Variants in IARS1 observed in about 807,000 individuals in gnomAD.
The protein encoded by IARS1 is isoleucyl-tRNA synthetase 1.
Under a neutral mutation model 168.2 loss-of-function variants are expected in IARS1, and 124 were observed. The ratio of observed to expected loss-of-function variants is 0.74; its 90% CI spans 0.64 to 0.86. The LOEUF is 0.86. Among genes scored for constraint, IARS1 ranks in the 40% least tolerant of loss-of-function variants. The probability of loss-of-function intolerance (pLI) is 0.00; values close to 1 mark genes in which losing one functional copy is unlikely to be tolerated. For synonymous variants in IARS1, 532 were observed against 529.4 expected (o/e 1.00, Z -0.07); for missense variants, 1,452 against 1,515.8 (o/e 0.96, Z 0.70).
intron 10 of IARS1, 133 bp from the exon 11 acceptor site, chr9:92,271,788 G>C (rs977449442): frequency 4.1e-6 from 4 of 976,742 alleles, no homozygotes; most frequent in Non-Finnish European, 6.1e-6. Context: ...GTAAACTGAA[G>C]GTAACTCAAG....
At chr9:92,284,852 A>G (rs140065108) in intron 6 of IARS1, among the ~76,000 whole-genome samples, 2 of 152,372 alleles carry the variant, frequency 1.3e-5, no homozygotes, top group East Asian at 3.9e-4. Context: ...TGTTTACCAT[A>G]TCATTCTCTA....
chr9:92,287,834 T>C lies in IARS1; in HGVS notation c.353A>G (p.Asn118Ser). 3.1e-6 allele frequency: 5 copies of C among 1,613,966 alleles called. No homozygotes were observed. The highest frequency in any genetic ancestry group is 4.2e-6 in the Non-Finnish European group (5 of 1,179,926). ...TCTCATCACAATTGCTCGGCACTGA[T>C]TGTTATACTCTGTAATCCCCATTTT... ...VAKMGITEYNNQCRAIVMRYS... is the reference protein window; with the variant it reads ...VAKMGITEYNSQCRAIVMRYS... Residue 118 changes from asparagine (N) to serine (S), a missense_variant, in exon 4 of 34, where the codon AAT becomes AGT. Asn to Ser is a conservative substitution (Grantham distance 46). Coordinates refer to ENST00000443024, the MANE Select transcript of IARS1 (RefSeq NM_002161.6).
chr9:92,245,707 C>T (rs1289122653), intron 26 of IARS1, among the ~76,000 whole-genome samples: 2 of 151,974 alleles, frequency 1.3e-5, no homozygotes, highest in Non-Finnish European at 2.9e-5. Context: ...TGTTTTCCAT[C>T]AGTGCAGAAC....
At chr9:92,239,070 T>C (rs1054615931) in intron 30 of IARS1, among the ~76,000 whole-genome samples, 3 of 152,194 alleles carry the variant, frequency 2.0e-5, no homozygotes, top group African/African-American at 7.2e-5. Context: ...CGAACAATGA[T>C]ATAGTGCTTG....
chr9:92,248,918 G>A (rs992432871), intron 25 of IARS1, among the ~76,000 whole-genome samples: 3 of 151,980 alleles, frequency 2.0e-5, no homozygotes, highest in Non-Finnish European at 4.4e-5. Context: ...AAAACATCAT[G>A]GAATAAAGAT....
chr9:92,256,474 GCCACCACA>G (rs1310813564), intron 20 of IARS1, 198 bp downstream of exon 20: 2 of 370,738 alleles, frequency 5.4e-6, no homozygotes, highest in Non-Finnish European at 9.3e-6. Context: ...ACAGGCGTGA[GCCACCACA>G]CCAGGCCAGA....
chr9:92,229,388 C>CACACACAT (rs547012999), intron 30 of IARS1, among the ~76,000 whole-genome samples: 2 of 150,572 alleles, frequency 1.3e-5, no homozygotes, highest in African/African-American at 4.9e-5. Context: ...CACACACACA[C>CACACACAT]ATCTCCATCC....
intron 22 of IARS1, 52 bp from the exon 23 acceptor site, chr9:92,250,886 G>C: frequency 6.5e-7 from 1 of 1,548,318 alleles, no homozygotes; most frequent in Non-Finnish European, 8.7e-7. Context: ...ATCAACAACT[G>C]ATCTCATTTA....
chr9:92,248,580 G>A (rs766956217), intron 25 of IARS1, among the ~76,000 whole-genome samples: 62 of 146,268 alleles, frequency 4.2e-4, no homozygotes, highest in Non-Finnish European at 7.4e-4. Context: ...CCGAGCCCAG[G>A]AGATGGAGGC....
chr9:92,248,676 A>T (rs1445972129), intron 25 of IARS1, among the ~76,000 whole-genome samples: 1 of 151,174 alleles, frequency 6.6e-6, no homozygotes, highest in African/African-American at 2.4e-5. Context: ...AAAAAAAAAA[A>T]AATTTCTATT....
At chr9:92,256,405 T>G (rs1429664415) in intron 20 of IARS1, 1 of 183,056 alleles carries the variant, frequency 5.5e-6, no homozygotes, top group African/African-American at 2.3e-5. Flanking sequence ...GCCAGGCTGG[T>G]CTCGAACTCC....
At position 92,269,910 on chromosome 9, in the gene IARS1, G is replaced by A. The variant is rs1337698070; in HGVS notation, c.1279C>T (p.Leu427=). Residue 427 remains leucine (L), a synonymous_variant, in exon 13 of 34, where the codon CTA becomes TTA. Coordinates refer to ENST00000443024, the MANE Select transcript of IARS1 (RefSeq NM_002161.6). ...CAGTAGCACAGGTCATTGTTCCTTA[G>A]GAGCTGGTCCACCATGTTCTCCACT... is the stretch of plus-strand genomic sequence containing the variant. ...VRVENMVDQL[L]RNNDLCYWVP... 6.2e-7 allele frequency: 1 copy of A among 1,613,346 alleles called. No homozygotes were observed.
At chr9:92,276,984 T>G (rs562266715) in intron 9 of IARS1, among the ~76,000 whole-genome samples, 5 of 152,318 alleles carry the variant, frequency 3.3e-5, no homozygotes, top group South Asian at 2.1e-4. Flanking sequence ...CTCATTAACC[T>G]CCTTGAAATA....
At chr9:92,270,354 C>T (rs896675207) in intron 12 of IARS1, among the ~76,000 whole-genome samples, 38 of 152,240 alleles carry the variant, frequency 2.5e-4, no homozygotes, top group African/African-American at 8.9e-4. Flanking sequence ...AGGTTAAAAT[C>T]ATATTAAATT....
At chr9:92,241,018 C>T (rs1828316356) in intron 29 of IARS1, 57 bp from the exon 30 acceptor site, 1 of 951,988 alleles carries the variant, frequency 1.1e-6, no homozygotes. Flanking sequence ...CAATGTGCCA[C>T]ACCATCGTGT....
At position 92,228,961 on chromosome 9, in the gene IARS1, T is replaced by C. The variant is rs760903625; in HGVS notation, c.3409+40A>G. 9.9e-6 allele frequency: 16 copies of C among 1,610,762 alleles called. No homozygotes were observed. In the South Asian group the frequency reaches 1.2e-4, roughly 12 times the overall value. On this transcript the variant is annotated intron_variant, in intron 31 of 33. Coordinates refer to ENST00000443024, the MANE Select transcript of IARS1 (RefSeq NM_002161.6). ...AAATTAAGACCTTCACCAATCCATC[T>C]TGAGTCAAAGGACGTAGGCTCCTCT...
At chr9:92,292,210 G>T (rs1203333733) in intron 1 of IARS1, among the ~76,000 whole-genome samples, 9 of 143,764 alleles carry the variant, frequency 6.3e-5, no homozygotes, top group African/African-American at 2.3e-4. Flanking sequence ...TGGTGGGGAG[G>T]GGGTGGTTTG....
chr9:92,240,451 A>G, intron 30 of IARS1: 1 of 515,134 alleles, frequency 1.9e-6, no homozygotes, highest in Non-Finnish European at 3.5e-6. Flanking sequence ...TTTAGTAGAG[A>G]CAGGGTTTCA....
chr9:92,244,823 C>T, intron 27 of IARS1, 136 bp downstream of exon 27: 3 of 629,604 alleles, frequency 4.8e-6, no homozygotes, highest in South Asian at 2.0e-5. Context: ...TTAATAAAGC[C>T]AATCTAAACC....
Sources: gnomAD v4.1 joint callset for allele counts (sites outside exome capture counted in the v4.1 genomes callset) on GRCh38, gnomAD v4.1.1 for gene constraint, MANE v1.5 for transcripts, NCBI Gene and HGNC (gene_info 2026-07-23, HGNC 2026-07-21) for gene names.